The following STK3 variants were observed in gnomAD, a reference collection of about 807,000 sequenced individuals.
STK3 encodes serine/threonine-protein kinase 3.
A neutral mutation model predicts 58.0 loss-of-function variants in STK3; 41 were observed. The observed-to-expected ratio is 0.71, with a 90% confidence interval of 0.55 to 0.92. The LOEUF (loss-of-function observed/expected upper bound fraction) is 0.92, where lower values mean the gene tolerates loss of function less well. STK3 is among the 40% of genes least tolerant of loss of function. The pLI is 0.00. For synonymous variants in STK3, 170 were observed against 191.0 expected (o/e 0.89, Z 0.91); for missense variants, 479 against 602.7 (o/e 0.79, Z 2.15).
At chr8:98,477,098 T>C (rs1481340502) in intron 10 of STK3, among the ~76,000 whole-genome samples, 1 of 152,220 alleles carries the variant, frequency 6.6e-6, no homozygotes, top group Non-Finnish European at 1.5e-5. Context: ...AAACAAACCT[T>C]GTTAAGCTAA....
intron 8 of STK3, among the ~76,000 whole-genome samples, chr8:98,550,039 T>C (rs963395925): frequency 2.0e-5 from 3 of 152,106 alleles, no homozygotes; most frequent in Non-Finnish European, 4.4e-5. Context: ...AATCTGCTAT[T>C]TAGAAAAACT....
intron 3 of STK3, among the ~76,000 whole-genome samples, chr8:98,864,140 G>A (rs1306978929): frequency 7.0e-6 from 1 of 142,414 alleles, no homozygotes; most frequent in African/African-American, 2.6e-5. Context: ...GGAGCTTGCA[G>A]TGAGCCTAGA....
At chr8:98,729,027 T>C (rs933721830) in intron 4 of STK3, among the ~76,000 whole-genome samples, 4 of 152,216 alleles carry the variant, frequency 2.6e-5, no homozygotes, top group African/African-American at 9.6e-5. Context: ...GTATTGATTC[T>C]AAGGGCACTT....
At chr8:98,346,674 T>C in the STK3 span, among the ~76,000 whole-genome samples, 2 of 151,830 alleles carry the variant, frequency 1.3e-5, no homozygotes, top group Non-Finnish European at 2.9e-5. Context: ...AGTGAGACAG[T>C]TGTATCAATC....
intron 1 of STK3, among the ~76,000 whole-genome samples, chr8:98,792,603 G>A (rs1315059270): frequency 6.6e-6 from 1 of 152,164 alleles, no homozygotes; most frequent in African/African-American, 2.4e-5. Context: ...GGAAGACTGA[G>A]GCAGGAGAAA....
chr8:98,672,409 G>C (rs1218646768), intron 6 of STK3, among the ~76,000 whole-genome samples: 1 of 152,060 alleles, frequency 6.6e-6, no homozygotes, highest in Non-Finnish European at 1.5e-5. Flanking sequence ...GTTTTGTTTT[G>C]TTTTACAGCT....
At chr8:98,794,552 C>G (rs1355116003) in intron 1 of STK3, among the ~76,000 whole-genome samples, 1 of 151,842 alleles carries the variant, frequency 6.6e-6, no homozygotes, top group East Asian at 1.9e-4. Context: ...CAAAAAAATC[C>G]CTGGACCACA....
chr8:98,479,906 A>G (rs1794839618), intron 10 of STK3, among the ~76,000 whole-genome samples: 1 of 152,208 alleles, frequency 6.6e-6, no homozygotes, highest in South Asian at 2.1e-4. Flanking sequence ...TATAACAACA[A>G]CAAAAACAAA....
At chr8:98,588,244 T>G (rs1269515491) in intron 7 of STK3, among the ~76,000 whole-genome samples, 2 of 152,164 alleles carry the variant, frequency 1.3e-5, no homozygotes, top group Non-Finnish European at 2.9e-5. Flanking sequence ...TGCCGGTTGT[T>G]CCTTTCCATT....
rs375025787 is a variant in STK3 at position 98,896,707 on chromosome 8, AAT to A, written c.-78-12875_-78-12874del. Among the ~76,000 whole-genome samples, 114 of 152,316 alleles carry A rather than the reference AAT, an allele frequency of 7.5e-4. 2 individuals are homozygous for A. Among genetic ancestry groups the A allele is most frequent in the Middle Eastern group, 6.8e-3 (2 of 294 alleles). ...CATCAGAAATGTCTGGGCCAGGTGC[AAT>A]GGCTCATGCCTGTAATCCCAGCACT... is the stretch of plus-strand genomic sequence containing the variant. On this transcript the variant is annotated intron_variant, in intron 1 of 1. Coordinates refer to the STK3 transcript ENST00000519420.
intron 1 of STK3, among the ~76,000 whole-genome samples, chr8:98,789,802 G>A (rs1832691295): frequency 6.6e-6 from 1 of 152,054 alleles, no homozygotes; most frequent in African/African-American, 2.4e-5. Context: ...CGAGGCAGGT[G>A]GATCACCTGA....
At chr8:98,931,705 G>A (rs893075638) in intron 1 of STK3, among the ~76,000 whole-genome samples, 1 of 152,064 alleles carries the variant, frequency 6.6e-6, no homozygotes. Flanking sequence ...TGTAAGAAAG[G>A]AGCCCTGTCA....
chr8:98,803,450 C>T (rs1429578136), intron 1 of STK3, among the ~76,000 whole-genome samples: 1 of 151,594 alleles, frequency 6.6e-6, no homozygotes, highest in Middle Eastern at 3.2e-3. Flanking sequence ...AAAAATTAGC[C>T]GGGCATGGTA....
chr8:98,785,612 C>G (rs1255137310), intron 1 of STK3, among the ~76,000 whole-genome samples: 1 of 152,212 alleles, frequency 6.6e-6, no homozygotes, highest in African/African-American at 2.4e-5. Context: ...AATCAGCCCA[C>G]TGCCTGAGGC....
rs955712439 is a variant in STK3, at chr8:98,743,601, C to T, written c.351+5675G>A. Among the ~76,000 whole-genome samples, 85 of 152,280 alleles carry T rather than the reference C, an allele frequency of 5.6e-4. 1 individual carries two copies. The highest frequency in any genetic ancestry group is 1.7e-3 in the African/African-American group (72 of 41,536). On this transcript the variant is annotated intron_variant, in intron 4 of 10. Coordinates refer to ENST00000419617, the MANE Select transcript of STK3 (RefSeq NM_006281.4). Reference sequence around the variant, plus strand: ...AAATTAATTCAAGATGGATTAAAGACTTAAACGTTAGACCTAAAACCATAA... The same window carrying T: ...AAATTAATTCAAGATGGATTAAAGATTTAAACGTTAGACCTAAAACCATAA...
chr8:98,929,331 A>G (rs891835714), intron 1 of STK3, among the ~76,000 whole-genome samples: 1 of 152,180 alleles, frequency 6.6e-6, no homozygotes, highest in Non-Finnish European at 1.5e-5. Flanking sequence ...CAAGAGTCAC[A>G]CAGCTGATGA....
intron 3 of STK3, among the ~76,000 whole-genome samples, chr8:98,846,551 G>T (rs545716570): frequency 4.5e-4 from 69 of 152,256 alleles, no homozygotes; most frequent in Non-Finnish European, 7.5e-4. Context: ...GGAGAGCTTT[G>T]TTTTCTGGCA....
chr8:98,724,015 G>T (rs1827625018), intron 4 of STK3, among the ~76,000 whole-genome samples: 1 of 152,100 alleles, frequency 6.6e-6, no homozygotes, highest in African/African-American at 2.4e-5. Context: ...CACCCAAACA[G>T]AACTGTAGAA....
intron 8 of STK3, among the ~76,000 whole-genome samples, chr8:98,575,335 G>A (rs1462851955): frequency 1.4e-5 from 2 of 138,894 alleles, no homozygotes; most frequent in Non-Finnish European, 3.1e-5. Context: ...GCCAGACCTA[G>A]TGACTTGTTT....
Sources: allele counts gnomAD v4.1 joint callset (sites outside exome capture counted in the v4.1 genomes callset), GRCh38; gene constraint gnomAD v4.1.1; transcripts MANE v1.5; gene names NCBI Gene and HGNC (gene_info 2026-07-23, HGNC 2026-07-21).